Variants in THSD4 observed in about 807,000 individuals in gnomAD.
THSD4 encodes thrombospondin type 1 domain containing 4, also known as thrombospondin type-1 domain-containing protein 4.
A neutral mutation model predicts 119.0 loss-of-function variants in THSD4; 69 were observed. The observed-to-expected ratio is 0.58, with a 90% CI of 0.48 to 0.71. The LOEUF (loss-of-function observed/expected upper bound fraction) is 0.71, where lower values mean the gene tolerates loss of function less well. Among genes scored for constraint, THSD4 ranks in the 30% least tolerant of loss-of-function variants. The pLI, the probability that THSD4 is intolerant of heterozygous loss-of-function variation, is 0.00. For synonymous variants in THSD4, 524 were observed against 540.4 expected (o/e 0.97, Z 0.42); for missense variants, 1,393 against 1,391.1 (o/e 1.00, Z -0.02).
At chr15:71,263,451 A>T (rs986091960) in intron 6 of THSD4, among the ~76,000 whole-genome samples, 26 of 152,094 alleles carry the variant, frequency 1.7e-4, no homozygotes, top group Middle Eastern at 3.4e-3. Flanking sequence ...GCATATGTTC[A>T]TAATGCATGC....
At chr15:71,657,338 G>T (rs937703710) in intron 7 of THSD4, among the ~76,000 whole-genome samples, 1 of 151,952 alleles carries the variant, frequency 6.6e-6, no homozygotes, top group Non-Finnish European at 1.5e-5. Context: ...TAGTCCAGAG[G>T]TCATTCCCCA....
chr15:71,287,848 T>C (rs1333637783), intron 6 of THSD4, among the ~76,000 whole-genome samples: 2 of 152,230 alleles, frequency 1.3e-5, no homozygotes, highest in Non-Finnish European at 2.9e-5. Context: ...TGTTCCCAGA[T>C]GTTGAATTCA....
At position 71,629,339 on chromosome 15, in the gene THSD4, C is replaced by T. The variant is rs376949392; in HGVS notation, c.1153-31191C>T. On this transcript the variant is annotated intron_variant, in intron 7 of 17. Transcript: ENST00000261862. ...ACTGGGCCTCATCTAGGGGGCAGGG[C>T]GGCCAGACAGTAGAGGAGACCCAAA... Among the ~76,000 whole-genome samples the T allele has an allele frequency of 4.1e-4, 63 of 152,202 alleles. No homozygotes were observed. In the South Asian group the frequency reaches 5.6e-3, roughly 14 times the overall value.
intron 10 of THSD4, among the ~76,000 whole-genome samples, chr15:71,734,351 T>C (rs555723117): frequency 6.6e-6 from 1 of 152,172 alleles, no homozygotes; most frequent in Non-Finnish European, 1.5e-5. Context: ...CAAAGAGACA[T>C]GGAGAAACCT....
rs149189202 is a variant in THSD4 at position 71,171,908 on chromosome 15, C to T, written c.99+16976C>T. Among the ~76,000 whole-genome samples, 15 of 152,144 alleles carry T rather than the reference C, an allele frequency of 9.9e-5. No homozygotes were observed. In the East Asian group the frequency reaches 2.9e-3, roughly 29 times the overall value. On this transcript the variant is annotated intron_variant, in intron 3 of 17. Coordinates refer to ENST00000261862, the MANE Select transcript of THSD4 (RefSeq NM_024817.3). ...ATATTATAAGGTTCTTTTTATAATG[C>T]ATGTAAAATGGTATCACGTTACTTG...
chr15:71,215,436 C>T (rs746907651), intron 4 of THSD4, 37 bp downstream of exon 4: 10 of 1,481,682 alleles, frequency 6.7e-6, no homozygotes, highest in South Asian at 3.8e-5. Flanking sequence ...CTCCCCGTCC[C>T]TGTCCCAGTA....
chr15:71,761,963 A>T (rs2141202722), intron 15 of THSD4, among the ~76,000 whole-genome samples: 1 of 152,276 alleles, frequency 6.6e-6, no homozygotes, highest in East Asian at 1.9e-4. Context: ...CTCCATGTCC[A>T]CCACCAATAT....
intron 6 of THSD4, among the ~76,000 whole-genome samples, chr15:71,324,523 C>A (rs528225714): frequency 1.3e-4 from 20 of 152,268 alleles, no homozygotes; most frequent in Admixed American, 2.0e-4. Context: ...TGTGTACACA[C>A]AGTGTAGCTC....
upstream of THSD4, among the ~76,000 whole-genome samples, chr15:71,113,206 A>C (rs2141346087): frequency 6.6e-6 from 1 of 152,338 alleles, no homozygotes; most frequent in South Asian, 2.1e-4. Flanking sequence ...ATAAACAAAT[A>C]AAACAAGTAT....
chr15:71,251,695 G>A (rs2140283302), intron 5 of THSD4, among the ~76,000 whole-genome samples: 1 of 152,238 alleles, frequency 6.6e-6, no homozygotes, highest in South Asian at 2.1e-4. Context: ...ATGTTCCTTG[G>A]CACCGCTACA....
chr15:71,411,776 C>T lies in THSD4; in HGVS notation c.1105C>T (p.Pro369Ser), dbSNP rs775105290. Reference protein sequence around the residue: ...RQAEKVIDGTPCDQNGTAICV... With the variant: ...RQAEKVIDGTSCDQNGTAICV... ...AGCTGAGAAAGTCATCGATGGCACCCCCTGTGACCAGAACGGCACGGCCAT... is the reference window on the plus strand; with the variant it reads ...AGCTGAGAAAGTCATCGATGGCACCTCCTGTGACCAGAACGGCACGGCCAT... Residue 369 changes from proline to serine, a missense_variant, in exon 7 of 18, where the codon CCC (proline) becomes TCC (serine). By Grantham distance (74) the Pro-to-Ser change is moderately conservative. Transcript: ENST00000261862. 1 of 1,614,112 alleles carries T rather than the reference C, an allele frequency of 6.2e-7. No individual in the cohort carries two copies. Among genetic ancestry groups the T allele is most frequent in the African/African-American group, 1.3e-5 (1 of 75,012 alleles).
intron 4 of THSD4, among the ~76,000 whole-genome samples, chr15:71,239,935 A>G (rs1417616160): frequency 6.6e-6 from 1 of 152,222 alleles, no homozygotes; most frequent in African/African-American, 2.4e-5. Context: ...TCTGAGTCAA[A>G]TACCTAGAAA....
intron 7 of THSD4, among the ~76,000 whole-genome samples, chr15:71,515,042 C>G (rs1243127993): frequency 6.6e-6 from 1 of 152,154 alleles, no homozygotes; most frequent in Non-Finnish European, 1.5e-5. Context: ...AAGGAAAACT[C>G]TAGAAGTGGA....
At chr15:71,237,527 C>G (rs1269837265) in intron 4 of THSD4, among the ~76,000 whole-genome samples, 25 of 152,114 alleles carry the variant, frequency 1.6e-4, no homozygotes, top group Admixed American at 1.6e-3. Context: ...AAAGTGCAGT[C>G]CCAGGACCCA....
At chr15:71,142,270 T>C (rs1218528053) in intron 2 of THSD4, among the ~76,000 whole-genome samples, 1 of 151,890 alleles carries the variant, frequency 6.6e-6, no homozygotes, top group African/African-American at 2.4e-5. Context: ...CCCTTTTGTG[T>C]AGATCAGAAA....
chr15:71,521,103 A>G (rs750472699), intron 7 of THSD4, among the ~76,000 whole-genome samples: 8 of 152,184 alleles, frequency 5.3e-5, no homozygotes, highest in African/African-American at 1.9e-4. Context: ...GAAAGGGGAA[A>G]TTGTTGTAAA....
chr15:71,156,130 A>G (rs2040774736), intron 3 of THSD4, among the ~76,000 whole-genome samples: 1 of 152,222 alleles, frequency 6.6e-6, no homozygotes, highest in African/African-American at 2.4e-5. Flanking sequence ...GAAAGTCCCT[A>G]GAAGCCCTTT....
chr15:71,346,063 A>G (rs139204187), intron 6 of THSD4, among the ~76,000 whole-genome samples: 5 of 152,278 alleles, frequency 3.3e-5, no homozygotes, highest in Non-Finnish European at 7.4e-5. Context: ...GAGTGTCCCA[A>G]TAATGTCCTT....
intron 7 of THSD4, among the ~76,000 whole-genome samples, chr15:71,557,436 T>A (rs1279643672): frequency 6.6e-6 from 1 of 152,106 alleles, no homozygotes; most frequent in Non-Finnish European, 1.5e-5. Context: ...TGTAAACTTT[T>A]CTTTCTTATG....
Sources: gnomAD v4.1 joint callset for allele counts (sites outside exome capture counted in the v4.1 genomes callset) on GRCh38, gnomAD v4.1.1 for gene constraint, MANE v1.5 for transcripts, NCBI Gene and HGNC (gene_info 2026-07-23, HGNC 2026-07-21) for gene names.